TENM2: variants seen among roughly 807,000 people sequenced by gnomAD.
TENM2 encodes the protein teneurin transmembrane protein 2, also known as teneurin-2.
TENM2 carries 52 observed loss-of-function variants against 245.2 expected under a neutral mutation model. The ratio of observed to expected loss-of-function variants is 0.21; its 90% CI spans 0.17 to 0.27. TENM2 has a LOEUF of 0.27. Among genes scored for constraint, TENM2 ranks in the 10% least tolerant of loss-of-function variants. The pLI, the probability that TENM2 is intolerant of heterozygous loss-of-function variation, is 1.00. For missense variants in TENM2, 3,046 were observed against 3,666.8 expected (o/e 0.83, Z 4.37); for synonymous variants, 1,363 against 1,438.9 (o/e 0.95, Z 1.19).
At chr5:167,634,211 T>C (rs1046250488) in intron 2 of TENM2, among the ~76,000 whole-genome samples, 30 of 151,498 alleles carry the variant, frequency 2.0e-4, no homozygotes, top group African/African-American at 6.8e-4. Context: ...AATGACTGTT[T>C]GGCCAGTGAC....
the TENM2 span, among the ~76,000 whole-genome samples, chr5:167,149,174 C>T: frequency 5.9e-5 from 9 of 151,928 alleles, no homozygotes; most frequent in Non-Finnish European, 8.8e-5. Flanking sequence ...CCCCCTCCAC[C>T]CACCCTAATA....
Position 167,870,619 on chromosome 5 carries a change from GTATA to G in TENM2, c.503-5360_503-5357del, listed in dbSNP as rs200428918. ...TATATGTGTATATATGTATATATAT[GTATA>G]TATATACACACACACATATATAGTA... On this transcript the variant is annotated intron_variant, in intron 2 of 28. Coordinates refer to ENST00000518659, the Ensembl canonical transcript of TENM2. 4.6e-3 allele frequency among the ~76,000 whole-genome samples: 653 copies of G among 142,840 alleles called. 5 individuals are homozygous for G. Among genetic ancestry groups the G allele is most frequent in the African/African-American group, 0.016 (606 of 38,370 alleles). The allele number at this position is 142,840 out of a possible 152,430, so 93.7% of individuals were successfully genotyped here. A position where few individuals can be genotyped will look rare whatever the true frequency, so the allele number is the denominator to read the frequency against.
intron 7 of TENM2, among the ~76,000 whole-genome samples, chr5:168,068,112 C>A (rs941857442): frequency 6.6e-6 from 1 of 152,108 alleles, no homozygotes. Flanking sequence ...ACTGAAACTG[C>A]CATCTGAGTC....
chr5:168,044,710 A>T (rs1788469879), intron 5 of TENM2, among the ~76,000 whole-genome samples: 1 of 152,116 alleles, frequency 6.6e-6, no homozygotes, highest in Admixed American at 6.5e-5. Flanking sequence ...GGAAACCTTT[A>T]TGAAAGGTAA....
chr5:168,127,861 T>C (rs2152363701), intron 12 of TENM2, among the ~76,000 whole-genome samples: 1 of 152,302 alleles, frequency 6.6e-6, no homozygotes, highest in South Asian at 2.1e-4. Flanking sequence ...CTCAAAGACG[T>C]TTCCAGCCAA....
chr5:167,445,328 T>TAGAGAGAGAGAG (rs1324065066), intron 2 of TENM2, among the ~76,000 whole-genome samples: 157 of 33,012 alleles, frequency 4.8e-3, no homozygotes, highest in South Asian at 5.3e-3. Flanking sequence ...TATATATATA[T>TAGAGAGAGAGAG]ATATATATAG....
At chr5:167,176,325 C>T in the TENM2 span, among the ~76,000 whole-genome samples, 1 of 152,146 alleles carries the variant, frequency 6.6e-6, no homozygotes, top group Non-Finnish European at 1.5e-5. Context: ...TAGCCCTTTA[C>T]TTTTGTGAAG....
intron 2 of TENM2, among the ~76,000 whole-genome samples, chr5:167,640,564 G>A (rs1157566274): frequency 6.7e-6 from 1 of 148,464 alleles, no homozygotes; most frequent in Admixed American, 6.8e-5. Context: ...GTTGCAGTGA[G>A]CCGAGATCAT....
chr5:167,859,545 C>T (rs1418971268), intron 2 of TENM2, among the ~76,000 whole-genome samples: 7 of 101,714 alleles, frequency 6.9e-5, no homozygotes, highest in African/African-American at 1.2e-4. Context: ...CCGCCCCGTC[C>T]GGGAGGGAGG....
chr5:167,402,937 C>T (rs996404692), intron 2 of TENM2, among the ~76,000 whole-genome samples: 1 of 152,000 alleles, frequency 6.6e-6, no homozygotes, highest in African/African-American at 2.4e-5. Context: ...CTGTAGTCTT[C>T]TGAGGGCCTT....
At chr5:167,325,295 T>C (rs568163260) in intron 1 of TENM2, among the ~76,000 whole-genome samples, 7 of 152,344 alleles carry the variant, frequency 4.6e-5, no homozygotes, top group Non-Finnish European at 1.0e-4. Context: ...TTTATACTCA[T>C]CTATTTAAAT....
intron 2 of TENM2, among the ~76,000 whole-genome samples, chr5:167,577,306 A>C (rs550736759): frequency 6.6e-6 from 1 of 152,312 alleles, no homozygotes; most frequent in African/African-American, 2.4e-5. Flanking sequence ...CAAGGGTGTA[A>C]CCTATGTTGG....
chr5:167,497,437 G>A lies in TENM2; in HGVS notation c.502+121964G>A, dbSNP rs181468000. ...CTCAATAATGCATTGCCGTGGCAGC[G>A]CAATCATTTACCTTTGATGACTCGA... On this transcript the variant is annotated intron_variant, in intron 2 of 28. Coordinates refer to ENST00000518659, the Ensembl canonical transcript of TENM2. Among the ~76,000 whole-genome samples, 194 of 152,116 alleles carry A rather than the reference G, an allele frequency of 1.3e-3. 1 individual carries two copies. The highest frequency in any genetic ancestry group is 1.9e-3 in the Non-Finnish European group (129 of 67,998).
At chr5:167,205,396 A>C in the TENM2 span, among the ~76,000 whole-genome samples, 2 of 152,144 alleles carry the variant, frequency 1.3e-5, no homozygotes, top group Non-Finnish European at 2.9e-5. Flanking sequence ...ATAAAAAATA[A>C]TTAAAAATAT....
At chr5:167,835,896 A>G (rs907564355) in intron 2 of TENM2, among the ~76,000 whole-genome samples, 2 of 152,188 alleles carry the variant, frequency 1.3e-5, no homozygotes, top group African/African-American at 4.8e-5. Context: ...GGGAGGAAGA[A>G]CACTCAATTG....
At chr5:167,405,482 T>C (rs983201434) in intron 2 of TENM2, among the ~76,000 whole-genome samples, 10 of 152,084 alleles carry the variant, frequency 6.6e-5, no homozygotes, top group African/African-American at 2.4e-4. Context: ...TTTTCATTTA[T>C]TGAATGAGTA....
intron 2 of TENM2, among the ~76,000 whole-genome samples, chr5:167,529,674 A>C (rs1419106745): frequency 6.6e-6 from 1 of 152,256 alleles, no homozygotes; most frequent in Non-Finnish European, 1.5e-5. Flanking sequence ...TGATTGGTAC[A>C]GAAATAAGTG....
intron 14 of TENM2, among the ~76,000 whole-genome samples, chr5:168,194,481 G>T (rs1761212440): frequency 6.6e-6 from 1 of 152,086 alleles, no homozygotes; most frequent in African/African-American, 2.4e-5. Context: ...AACCCTTCAA[G>T]ATAGCAGGAA....
intron 2 of TENM2, among the ~76,000 whole-genome samples, chr5:167,693,405 C>CT (rs1437208788): frequency 5.9e-5 from 9 of 152,076 alleles, no homozygotes; most frequent in Non-Finnish European, 8.8e-5. Flanking sequence ...TAATGAATAC[C>CT]TTTTTATAGA....
Sources: gnomAD v4.1 joint callset for allele counts (sites outside exome capture counted in the v4.1 genomes callset) on GRCh38, gnomAD v4.1.1 for gene constraint, MANE v1.5 for transcripts, NCBI Gene and HGNC (gene_info 2026-07-23, HGNC 2026-07-21) for gene names.